The following SEPTIN14 variants were observed in gnomAD, a reference collection of about 807,000 sequenced individuals.
The protein encoded by SEPTIN14 is septin 14, also known as septin-14.
SEPTIN14 carries 40 observed loss-of-function variants against 53.6 expected under a neutral mutation model. The ratio of observed to expected loss-of-function variants is 0.75; its 90% CI spans 0.58 to 0.97. SEPTIN14 has a LOEUF of 0.97. Ranked by LOEUF, SEPTIN14 falls within the 50% of genes least tolerant of loss-of-function variation. The pLI, the probability that SEPTIN14 is intolerant of heterozygous loss-of-function variation, is 0.00. For synonymous variants in SEPTIN14, 138 were observed against 166.8 expected, an observed-to-expected ratio of 0.83 and a Z score of 1.33; for missense variants, 471 against 508.2, an observed-to-expected ratio of 0.93 and a Z score of 0.70.
chr7:55,807,318 G>C, intron 7 of SEPTIN14, 60 bp from the exon 8 acceptor site: 4 of 1,115,220 alleles, frequency 3.6e-6, no homozygotes, highest in Non-Finnish European at 5.1e-6. Context: ...CAATCAGTAA[G>C]TGTTCATGAA....
chr7:55,810,409 C>T (rs1405824646), intron 7 of SEPTIN14, among the ~76,000 whole-genome samples: 1 of 150,788 alleles, frequency 6.6e-6, no homozygotes, highest in Non-Finnish European at 1.5e-5. Flanking sequence ...TTTTTCCAAT[C>T]TCTAGGTTGT....
intron 8 of SEPTIN14, among the ~76,000 whole-genome samples, chr7:55,806,441 T>C (rs1258994865): frequency 6.6e-6 from 1 of 151,044 alleles, no homozygotes; most frequent in Non-Finnish European, 1.5e-5. Flanking sequence ...TATTTTTCCA[T>C]CTTTTTCTTT....
intron 9 of SEPTIN14, among the ~76,000 whole-genome samples, chr7:55,796,407 C>A (rs1247801429): frequency 1.3e-5 from 2 of 152,046 alleles, no homozygotes; most frequent in Non-Finnish European, 2.9e-5. Flanking sequence ...GGACTACAGG[C>A]ATGCACCACC....
intron 2 of SEPTIN14, among the ~76,000 whole-genome samples, chr7:55,859,113 T>C (rs1025528667): frequency 4.6e-5 from 7 of 151,100 alleles, no homozygotes; most frequent in Non-Finnish European, 1.0e-4. Flanking sequence ...ATAGCGCCAT[T>C]GCACTCCAGC....
intron 2 of SEPTIN14, among the ~76,000 whole-genome samples, chr7:55,857,112 C>T (rs1003717426): frequency 6.6e-6 from 1 of 151,788 alleles, no homozygotes; most frequent in Non-Finnish European, 1.5e-5. Context: ...GTGGCTTACA[C>T]CTGTATTCCC....
intron 2 of SEPTIN14, among the ~76,000 whole-genome samples, chr7:55,861,238 C>T (rs35276246): frequency 0.057 from 8,650 of 152,218 alleles, 449 homozygotes; most frequent in East Asian, 0.25. Flanking sequence ...TGGCTCATGC[C>T]TATAATCCCA....
In SEPTIN14 at chr7:55,807,232, C is replaced by T. The variant is rs375026754; in HGVS notation, c.844G>A (p.Val282Ile). The change falls in exon 8 of 10, where the codon GTT (valine) becomes ATT (isoleucine). Residue 282 changes from valine to isoleucine, a missense_variant. Coordinates refer to ENST00000388975, the MANE Select transcript of SEPTIN14 (RefSeq NM_207366.3). Reference protein sequence around the residue: ...QVENENHCDFVKLRDMLLCTN... With the variant: ...QVENENHCDFIKLRDMLLCTN... ...CAAAGAAGCATATCTCGGAGCTTAA[C>T]GAAGTCACAGTGATTTTCATTTTCC... 2.7e-5 allele frequency: 43 copies of T among 1,583,400 alleles called. No homozygotes were observed. The African/African-American group carries it at 3.0e-4, about 11-fold the overall frequency.
At chr7:55,849,727 C>G (rs532999942) in intron 2 of SEPTIN14, among the ~76,000 whole-genome samples, 3 of 152,088 alleles carry the variant, frequency 2.0e-5, no homozygotes, top group Non-Finnish European at 4.4e-5. Flanking sequence ...GCCTGGGCAA[C>G]AGAGCAAGAC....
intron 5 of SEPTIN14, among the ~76,000 whole-genome samples, chr7:55,841,927 T>A (rs184431081): frequency 6.6e-6 from 1 of 151,214 alleles, no homozygotes; most frequent in East Asian, 2.0e-4. Flanking sequence ...CCCAGCTACT[T>A]GGGAGGCTGA....
At chr7:55,826,734 T>A (rs1425863944) in intron 6 of SEPTIN14, among the ~76,000 whole-genome samples, 1 of 151,402 alleles carries the variant, frequency 6.6e-6, no homozygotes. Flanking sequence ...GAGGTAGAGG[T>A]TGCAGTGAGC....
intron 6 of SEPTIN14, among the ~76,000 whole-genome samples, chr7:55,832,807 G>A (rs931594430): frequency 6.6e-6 from 1 of 151,928 alleles, no homozygotes. Flanking sequence ...ATGTGATCAC[G>A]CCACTGCACA....
chr7:55,823,709 C>T (rs1788935774), intron 6 of SEPTIN14, among the ~76,000 whole-genome samples: 1 of 152,184 alleles, frequency 6.6e-6, no homozygotes, highest in Non-Finnish European at 1.5e-5. Flanking sequence ...TTGGCATTAT[C>T]AGCACTACAC....
At chr7:55,813,384 T>C (rs1398031480) in intron 7 of SEPTIN14, among the ~76,000 whole-genome samples, 1 of 152,118 alleles carries the variant, frequency 6.6e-6, no homozygotes, top group Non-Finnish European at 1.5e-5. Flanking sequence ...TGAAAGGCAA[T>C]CAGGCCCCAA....
At chr7:55,814,495 A>C (rs916900937) in intron 7 of SEPTIN14, among the ~76,000 whole-genome samples, 14 of 152,214 alleles carry the variant, frequency 9.2e-5, no homozygotes, top group African/African-American at 3.4e-4. Flanking sequence ...TTCTATTAGC[A>C]TTATTATATG....
At position 55,795,888 on chromosome 7, in the gene SEPTIN14, G is replaced by T. The variant is rs1788423179; in HGVS notation, c.*25C>A. The T allele has an allele frequency of 2.6e-6, 4 of 1,511,758 alleles. No homozygotes were observed. The South Asian group carries it at 4.5e-5, about 17-fold the overall frequency. The allele number at this position is 1,511,758 out of a possible 1,614,324, so 93.6% of individuals were successfully genotyped here. A position where few individuals can be genotyped will look rare whatever the true frequency, so the allele number is the denominator to read the frequency against. On this transcript the variant is annotated 3_prime_UTR_variant, in exon 10 of 10. Transcript: ENST00000388975. ...GGAAGTTGCGATGTAGAATGATAGG[G>T]CTCTCAGAATAGTAAGAGAAACTAT...
chr7:55,845,189 A>G (rs1356558366), intron 3 of SEPTIN14, among the ~76,000 whole-genome samples: 1 of 152,136 alleles, frequency 6.6e-6, no homozygotes, highest in Non-Finnish European at 1.5e-5. Flanking sequence ...AGCCATAAAA[A>G]AGAAGGAGAT....
intron 8 of SEPTIN14, among the ~76,000 whole-genome samples, chr7:55,806,225 T>A (rs1788607513): frequency 6.6e-6 from 1 of 151,756 alleles, no homozygotes; most frequent in South Asian, 2.1e-4. Flanking sequence ...GATCTTAAAC[T>A]CCTGACCTCA....
intron 9 of SEPTIN14, chr7:55,798,551 G>T: frequency 2.6e-6 from 1 of 379,068 alleles, no homozygotes; most frequent in South Asian, 2.3e-5. Flanking sequence ...CCTGCCCAAG[G>T]AACAGAACTC....
At chr7:55,815,389 G>A (rs1788774618) in intron 7 of SEPTIN14, among the ~76,000 whole-genome samples, 2 of 152,036 alleles carry the variant, frequency 1.3e-5, no homozygotes, top group South Asian at 4.1e-4. Context: ...AAGATTAATA[G>A]CCAGAATATA....
Sources: gnomAD v4.1 joint callset for allele counts (sites outside exome capture counted in the v4.1 genomes callset) on GRCh38, gnomAD v4.1.1 for gene constraint, MANE v1.5 for transcripts, NCBI Gene and HGNC (gene_info 2026-07-23, HGNC 2026-07-21) for gene names.